Variants in QRICH1 observed in about 807,000 individuals in gnomAD.
The protein encoded by QRICH1 is transcriptional regulator QRICH1.
Under a neutral mutation model 87.1 loss-of-function variants are expected in QRICH1, and 16 were observed. The ratio of observed to expected loss-of-function variants is 0.18; its 90% confidence interval spans 0.12 to 0.28. The LOEUF is 0.28. Ranked by LOEUF, QRICH1 falls within the 10% of genes least tolerant of loss-of-function variation. The pLI, the probability that QRICH1 is intolerant of heterozygous loss-of-function variation, is 1.00. For synonymous variants in QRICH1, 367 were observed against 368.4 expected (o/e 1.00, Z 0.05); for missense variants, 647 against 951.7 (o/e 0.68, Z 4.21).
chr3:49,088,354 GC>G (rs2042210186), intron 1 of QRICH1, among the ~76,000 whole-genome samples: 1 of 152,020 alleles, frequency 6.6e-6, no homozygotes, highest in African/African-American at 2.4e-5. Context: ...GAGTGCAATG[GC>G]ATCATCTCGG....
chr3:49,055,719 T>C (rs1475123019), intron 3 of QRICH1, among the ~76,000 whole-genome samples: 3 of 152,150 alleles, frequency 2.0e-5, no homozygotes, highest in Non-Finnish European at 4.4e-5. Context: ...TTGCCCCAGG[T>C]TGGAGTGCAG....
In QRICH1 at chr3:49,043,496, C is replaced by CAAAAA. The variant is rs57402124; in HGVS notation, c.1786+889_1786+893dup. On this transcript the variant is annotated intron_variant, in intron 6 of 9. Transcript: ENST00000395443. ...GGGCAACAAGAGCAAAACTCTGTCT[C>CAAAAA]AAAAAAAAAAAAAAAAAAAAAAAAA... Among the ~76,000 whole-genome samples the CAAAAA allele has an allele frequency of 1.3e-4, 5 of 37,628 alleles. 1 individual carries two copies. Among genetic ancestry groups the CAAAAA allele is most frequent in the African/African-American group, 3.7e-4 (3 of 8,196 alleles). The allele number at this position is 37,628 out of a possible 152,430, so 24.7% of individuals were successfully genotyped here. A position where few individuals can be genotyped will look rare whatever the true frequency, so the allele number is the denominator to read the frequency against.
intron 2 of QRICH1, among the ~76,000 whole-genome samples, chr3:49,070,834 A>G (rs763349885): frequency 7.5e-4 from 114 of 152,164 alleles, no homozygotes; most frequent in Non-Finnish European, 1.4e-3. Flanking sequence ...CATGGATGTC[A>G]TTATATTTGT....
chr3:49,072,586 T>C (rs1300597696), intron 2 of QRICH1, among the ~76,000 whole-genome samples: 1 of 151,990 alleles, frequency 6.6e-6, no homozygotes, highest in Non-Finnish European at 1.5e-5. Context: ...TTCAGTCTCA[T>C]TAAATGGTAT....
chr3:49,042,876 A>C (rs559871310), intron 6 of QRICH1, among the ~76,000 whole-genome samples: 246 of 152,216 alleles, frequency 1.6e-3, no homozygotes, highest in Non-Finnish European at 2.8e-3. Context: ...CCTGGCCCAG[A>C]AGAGGTATTT....
At chr3:49,051,317 C>G (rs1160467258) in intron 3 of QRICH1, among the ~76,000 whole-genome samples, 1 of 152,162 alleles carries the variant, frequency 6.6e-6, no homozygotes, top group African/African-American at 2.4e-5. Flanking sequence ...CAATGTCACT[C>G]ACAACATTGT....
At chr3:49,032,883 C>A in intron 7 of QRICH1, 110 bp from the exon 8 acceptor site, 1 of 1,337,332 alleles carries the variant, frequency 7.5e-7, no homozygotes, top group South Asian at 1.4e-5. Flanking sequence ...TTCCCAAGAT[C>A]TGGGCAGGCC....
At chr3:49,083,566 A>T (rs920333720) in intron 1 of QRICH1, 4 of 152,046 alleles carry the variant, frequency 2.6e-5, no homozygotes, top group Non-Finnish European at 5.9e-5. Flanking sequence ...AAGACAAACA[A>T]GCTTGAGGTA....
At chr3:49,048,338 G>A (rs1284304865) in intron 3 of QRICH1, among the ~76,000 whole-genome samples, 1 of 151,586 alleles carries the variant, frequency 6.6e-6, no homozygotes, top group Non-Finnish European at 1.5e-5. Context: ...CTCCATGTTG[G>A]TCAGGCTGGT....
At chr3:49,060,770 T>C (rs2093430036) in intron 2 of QRICH1, among the ~76,000 whole-genome samples, 1 of 152,130 alleles carries the variant, frequency 6.6e-6, no homozygotes. Flanking sequence ...CATTAGACTC[T>C]TGTAGGAGCA....
chr3:49,094,038 G>A lies in QRICH1; in HGVS notation c.-148C>T, dbSNP rs2042334417. The stretch of plus-strand genomic sequence containing the variant: ...CAGGGTTTTCTCCTCACAGCTCCCT[G>A]GGCGCCATCTTACATTCAACCCTCA... On this transcript the variant is annotated 5_prime_UTR_variant, in exon 1 of 10. Coordinates refer to ENST00000395443, the MANE Select transcript of QRICH1 (RefSeq NM_198880.3). 1 of 398,708 alleles carries A rather than the reference G, an allele frequency of 2.5e-6. No homozygotes were observed. The highest frequency in any genetic ancestry group is 4.4e-6 in the Non-Finnish European group (1 of 226,134). The allele number at this position is 398,708 out of a possible 1,614,324, so 24.7% of individuals were successfully genotyped here.
At position 49,057,051 on chromosome 3, in the gene QRICH1, G is replaced by T. The variant is rs749666651; in HGVS notation, c.1149C>A (p.Leu383=). ...EEVVQTLANS[L]FPAQFMNGNI... is the part of the protein sequence containing the mutation. ...TGCCATTCATGAACTGTGCTGGAAA[G>T]AGAGAGTTTGCAAGGGTCTGCACTA... is the stretch of plus-strand genomic sequence containing the variant. Residue 383 remains leucine (L), a synonymous_variant, in exon 3 of 10, where the codon CTC becomes CTA. Coordinates refer to ENST00000395443, the MANE Select transcript of QRICH1 (RefSeq NM_198880.3). This position sits in a 1 kb window ranked among gnomAD's most constrained non-coding sequence, Gnocchi z 5.4. The T allele has an allele frequency of 6.2e-7, 1 of 1,614,242 alleles. No individual in the cohort carries two copies. The highest frequency in any genetic ancestry group is 1.1e-5 in the South Asian group (1 of 91,088).
chr3:49,033,421 T>C, intron 6 of QRICH1, 193 bp from the exon 7 acceptor site: 1 of 390,306 alleles, frequency 2.6e-6, no homozygotes, highest in Non-Finnish European at 4.6e-6. Context: ...GTTTCTGAGG[T>C]GGAACCTGAT....
At chr3:49,063,436 A>G (rs1352187943) in intron 2 of QRICH1, among the ~76,000 whole-genome samples, 1 of 152,222 alleles carries the variant, frequency 6.6e-6, no homozygotes, top group Non-Finnish European at 1.5e-5. Flanking sequence ...CCAAAGACAT[A>G]AGAGGAAACT....
intron 6 of QRICH1, among the ~76,000 whole-genome samples, chr3:49,040,040 G>A (rs975956153): frequency 1.9e-4 from 29 of 152,310 alleles, no homozygotes; most frequent in Admixed American, 8.5e-4. Flanking sequence ...CAGCCTGGGC[G>A]ATAGAGTGAG....
chr3:49,090,323 G>A (rs538009271), intron 1 of QRICH1, among the ~76,000 whole-genome samples: 2 of 152,348 alleles, frequency 1.3e-5, no homozygotes, highest in South Asian at 4.1e-4. Flanking sequence ...GCCGGGCATG[G>A]TGGCAGGCAC....
At chr3:49,036,019 G>A (rs1447757017) in intron 6 of QRICH1, among the ~76,000 whole-genome samples, 2 of 152,066 alleles carry the variant, frequency 1.3e-5, no homozygotes, top group Non-Finnish European at 2.9e-5. Flanking sequence ...CCAGGAGGTA[G>A]AAGTTGCAGT....
intron 5 of QRICH1, 119 bp from the exon 6 acceptor site, chr3:49,044,623 A>G: frequency 1.6e-6 from 1 of 644,874 alleles, no homozygotes; most frequent in Non-Finnish European, 2.6e-6. Context: ...CACCTCAACA[A>G]ACCAAGGCAC....
At chr3:49,033,074 C>T in intron 7 of QRICH1, 46 bp downstream of exon 7, 1 of 1,353,268 alleles carries the variant, frequency 7.4e-7, no homozygotes, top group Non-Finnish European at 9.9e-7. Flanking sequence ...AGCTTCCACA[C>T]TCTTCACTGG....
Sources: allele counts gnomAD v4.1 joint callset (sites outside exome capture counted in the v4.1 genomes callset), GRCh38; gene constraint gnomAD v4.1.1; non-coding constraint Gnocchi (gnomAD v3.1); transcripts MANE v1.5; gene names NCBI Gene and HGNC (gene_info 2026-07-23, HGNC 2026-07-21).